POLR1D: variants seen among roughly 807,000 people sequenced by gnomAD.
The protein encoded by POLR1D is RNA polymerase I and III subunit D, also known as DNA-directed RNA polymerases I and III subunit RPAC2.
A neutral mutation model predicts 10.8 loss-of-function variants in POLR1D; 8 were observed. The ratio of observed to expected loss-of-function variants is 0.74; its 90% CI spans 0.43 to 1.33. The LOEUF (loss-of-function observed/expected upper bound fraction) is 1.33, where lower values mean the gene tolerates loss of function less well. Ranked by LOEUF, POLR1D falls within the 40% of genes most tolerant of loss-of-function variation. POLR1D has a pLI of 0.01. For missense variants in POLR1D, 152 were observed against 161.7 expected (o/e 0.94, Z 0.32); for synonymous variants, 54 against 57.2 (o/e 0.94, Z 0.25).
chr13:27,656,210 A>G (rs1261935703), intron 2 of POLR1D, among the ~76,000 whole-genome samples: 1 of 152,200 alleles, frequency 6.6e-6, no homozygotes, highest in Non-Finnish European at 1.5e-5. Context: ...TACCATACAA[A>G]AAGTTAACTT....
chr13:27,623,493 A>C (rs965117431), downstream of POLR1D: 8 of 730,794 alleles, frequency 1.1e-5, no homozygotes, highest in African/African-American at 1.4e-4. Context: ...ATGGTCCTTG[A>C]GGATGACTTT....
downstream of POLR1D, chr13:27,623,461 G>C: frequency 8.9e-7 from 1 of 1,117,682 alleles, no homozygotes; most frequent in Non-Finnish European, 1.2e-6. Context: ...TAGTTTGACT[G>C]GTTTCTGTTC....
intron 2 of POLR1D, among the ~76,000 whole-genome samples, chr13:27,660,453 A>G (rs1033993756): frequency 2.0e-5 from 3 of 152,240 alleles, no homozygotes; most frequent in African/African-American, 4.8e-5. Flanking sequence ...CAAGGTGTCT[A>G]TTCCCTAACC....
At chr13:27,644,190 GTTTTCCTACTTTATTATTTAA>G (rs1956199314) in intron 1 of POLR1D, among the ~76,000 whole-genome samples, 1 of 152,070 alleles carries the variant, frequency 6.6e-6, no homozygotes, top group African/African-American at 2.4e-5. Flanking sequence ...TAAAATTCCT[GTTTTCCTACTTTATTATTTAA>G]TTTTCCTCTC....
chr13:27,648,935 A>G (rs967234269), intron 2 of POLR1D, among the ~76,000 whole-genome samples: 2 of 152,208 alleles, frequency 1.3e-5, no homozygotes, highest in Non-Finnish European at 2.9e-5. Context: ...TTAAAACTTA[A>G]TAATATGGGC....
chr13:27,660,138 T>C (rs1223979468), intron 2 of POLR1D, among the ~76,000 whole-genome samples: 1 of 152,210 alleles, frequency 6.6e-6, no homozygotes, highest in African/African-American at 2.4e-5. Context: ...AGGCATTTGA[T>C]TGCCAAATTA....
At chr13:27,631,408 G>A (rs572187256) in intron 1 of POLR1D, among the ~76,000 whole-genome samples, 2 of 152,274 alleles carry the variant, frequency 1.3e-5, no homozygotes, top group Admixed American at 1.3e-4. Flanking sequence ...CATTGCCTCT[G>A]CTCTATTCTG....
intron 1 of POLR1D, among the ~76,000 whole-genome samples, chr13:27,636,829 A>G (rs146151133): frequency 1.6e-4 from 25 of 152,250 alleles, no homozygotes; most frequent in African/African-American, 5.5e-4. Context: ...GCTCCATCCA[A>G]TTAAGCTGCA....
chr13:27,632,860 AGC>A (rs1243148591), intron 1 of POLR1D, among the ~76,000 whole-genome samples: 1 of 152,180 alleles, frequency 6.6e-6, no homozygotes, highest in Non-Finnish European at 1.5e-5. Flanking sequence ...CCTGGCTCAT[AGC>A]AGGTGTTCAA....
chr13:27,629,616 G>C (rs1241262611), intron 1 of POLR1D, among the ~76,000 whole-genome samples: 1 of 152,156 alleles, frequency 6.6e-6, no homozygotes, highest in Non-Finnish European at 1.5e-5. Flanking sequence ...TTATCAGTCT[G>C]TTAAACCCAT....
At chr13:27,653,607 G>A (rs534334381) in intron 2 of POLR1D, among the ~76,000 whole-genome samples, 8 of 152,236 alleles carry the variant, frequency 5.3e-5, no homozygotes, top group African/African-American at 9.6e-5. Flanking sequence ...GCACTCTTAC[G>A]TTATTGAGAA....
chr13:27,645,006 C>G (rs899210667), intron 1 of POLR1D, among the ~76,000 whole-genome samples: 4 of 152,178 alleles, frequency 2.6e-5, no homozygotes, highest in Non-Finnish European at 5.9e-5. Flanking sequence ...CTGACTTTCT[C>G]CCCTTAATTT....
intron 2 of POLR1D, chr13:27,651,264 C>G (rs766200012): frequency 6.6e-6 from 1 of 152,050 alleles, no homozygotes; most frequent in Non-Finnish European, 1.5e-5. Flanking sequence ...GGACAAAGAA[C>G]CCAGTTTCTT....
At chr13:27,624,556 G>A (rs529380363), downstream of POLR1D, among the ~76,000 whole-genome samples, 1 of 152,222 alleles carries the variant, frequency 6.6e-6, no homozygotes, top group East Asian at 1.9e-4. Flanking sequence ...TATAGTGGAT[G>A]AGACAGAGTA....
rs116073059 is a variant in POLR1D, at chr13:27,661,134, G to A, written c.102-4552G>A. ...CATCTCTCCAGTGGCAGATTCTTGA[G>A]CAGTCAGCCTTTCCCATGGCATGTG... is the stretch of plus-strand genomic sequence containing the variant. On this transcript the variant is annotated intron_variant, in intron 2 of 2. Transcript: ENST00000399697. 4.3e-3 allele frequency among the ~76,000 whole-genome samples: 658 copies of A among 152,318 alleles called. 5 individuals carry two copies. Among genetic ancestry groups the A allele is most frequent in the African/African-American group, 0.015 (628 of 41,560 alleles).
chr13:27,623,682 A>G (rs187425622), downstream of POLR1D, among the ~76,000 whole-genome samples: 2 of 152,296 alleles, frequency 1.3e-5, no homozygotes, highest in African/African-American at 4.8e-5. Flanking sequence ...AACAGAAGGA[A>G]AGAAGATTGG....
At chr13:27,641,415 A>T (rs1956172298) in intron 1 of POLR1D, among the ~76,000 whole-genome samples, 2 of 152,194 alleles carry the variant, frequency 1.3e-5, no homozygotes, top group African/African-American at 2.4e-5. Flanking sequence ...ATAATTAGGG[A>T]CTTTATTAAA....
chr13:27,660,950 G>A (rs895743412), intron 2 of POLR1D: 1 of 152,212 alleles, frequency 6.6e-6, no homozygotes, highest in Non-Finnish European at 1.5e-5. Flanking sequence ...GTTGGCTGGC[G>A]ATCCTGTGTC....
chr13:27,624,926 A>C (rs117346130), downstream of POLR1D, among the ~76,000 whole-genome samples: 249 of 152,252 alleles, frequency 1.6e-3, 3 homozygotes, highest in East Asian at 3.5e-3. Context: ...AATTCTGTAA[A>C]AGCAGCAAAT....
Sources: gnomAD v4.1 joint callset for allele counts (sites outside exome capture counted in the v4.1 genomes callset) on GRCh38, gnomAD v4.1.1 for gene constraint, MANE v1.5 for transcripts, NCBI Gene and HGNC (gene_info 2026-07-23, HGNC 2026-07-21) for gene names.